The following GRID2 variants were observed in gnomAD, a reference collection of about 807,000 sequenced individuals.
The protein encoded by GRID2 is glutamate ionotropic receptor delta type subunit 2.
Under a neutral mutation model 114.8 loss-of-function variants are expected in GRID2, and 33 were observed. That is an observed-to-expected ratio of 0.29 (90% confidence interval 0.22 to 0.38). GRID2 has a LOEUF of 0.38. Among genes scored for constraint, GRID2 ranks in the 10% least tolerant of loss-of-function variants. The probability of loss-of-function intolerance (pLI) is 1.00; values close to 1 mark genes in which losing one functional copy is unlikely to be tolerated. For synonymous variants in GRID2, 505 were observed against 449.9 expected (o/e 1.12, Z -1.55); for missense variants, 1,184 against 1,257.7 (o/e 0.94, Z 0.89).
chr4:93,069,516 T>C (rs1281052608), intron 2 of GRID2, among the ~76,000 whole-genome samples: 1 of 151,848 alleles, frequency 6.6e-6, no homozygotes, highest in Admixed American at 6.6e-5. Flanking sequence ...ACCCCCAACA[T>C]AGAAACAGTA....
chr4:93,040,093 C>T (rs556062419), intron 2 of GRID2, among the ~76,000 whole-genome samples: 16 of 152,046 alleles, frequency 1.1e-4, no homozygotes, highest in Admixed American at 9.2e-4. Flanking sequence ...GTTCATTGGA[C>T]TGATTTATGT....
intron 3 of GRID2, among the ~76,000 whole-genome samples, chr4:93,091,255 C>T (rs13149430): frequency 0.41 from 62,638 of 151,862 alleles, 13,356 homozygotes; most frequent in Admixed American, 0.58. Context: ...AGAATAGTGG[C>T]AGAGAAGGTA....
At chr4:92,819,812 A>G (rs561054683) in intron 2 of GRID2, among the ~76,000 whole-genome samples, 1 of 152,138 alleles carries the variant, frequency 6.6e-6, no homozygotes, top group Non-Finnish European at 1.5e-5. Context: ...AATCTTTGGT[A>G]TTAAGCAGTT....
chr4:92,407,422 A>G (rs1731083139), intron 1 of GRID2, among the ~76,000 whole-genome samples: 2 of 152,094 alleles, frequency 1.3e-5, no homozygotes, highest in Admixed American at 6.6e-5. Context: ...TGATAGAATG[A>G]ATTATTTTTC....
intron 2 of GRID2, among the ~76,000 whole-genome samples, chr4:92,761,504 C>T (rs1469329365): frequency 1.3e-5 from 2 of 152,136 alleles, no homozygotes; most frequent in African/African-American, 2.4e-5. Flanking sequence ...AGCCCATGGC[C>T]TCATGGGTTA....
chr4:92,983,154 C>T (rs1338630191), intron 2 of GRID2, among the ~76,000 whole-genome samples: 3 of 151,916 alleles, frequency 2.0e-5, no homozygotes, highest in Non-Finnish European at 4.4e-5. Context: ...TGATTTGGCA[C>T]ACAAAATACA....
chr4:93,514,246 T>C (rs1035216294), intron 12 of GRID2, among the ~76,000 whole-genome samples: 6 of 152,076 alleles, frequency 3.9e-5, no homozygotes, highest in Non-Finnish European at 5.9e-5. Context: ...GAAACTCAAA[T>C]GGAGGGAAAT....
chr4:92,484,817 A>C (rs1051670154), intron 1 of GRID2, among the ~76,000 whole-genome samples: 1 of 152,008 alleles, frequency 6.6e-6, no homozygotes, highest in Non-Finnish European at 1.5e-5. Flanking sequence ...TCTAAATCTC[A>C]TATCTACCAC....
intron 8 of GRID2, among the ~76,000 whole-genome samples, chr4:93,264,291 G>T (rs1750562378): frequency 6.6e-6 from 1 of 152,144 alleles, no homozygotes; most frequent in Non-Finnish European, 1.5e-5. Context: ...TATAAGCAAA[G>T]GAATGGTTTT....
intron 1 of GRID2, among the ~76,000 whole-genome samples, chr4:92,415,744 A>ATG (rs1560616359): frequency 1.9e-5 from 1 of 53,602 alleles, no homozygotes; most frequent in Non-Finnish European, 3.3e-5. Context: ...ATGTGTGTAT[A>ATG]TATATATATA....
At chr4:92,314,932 A>G (rs1725890566) in intron 1 of GRID2, among the ~76,000 whole-genome samples, 1 of 152,170 alleles carries the variant, frequency 6.6e-6, no homozygotes, top group African/African-American at 2.4e-5. Context: ...TCATATTCAT[A>G]TGATTTCTGT....
chr4:92,307,331 C>T (rs1378575464), intron 1 of GRID2, among the ~76,000 whole-genome samples: 1 of 151,882 alleles, frequency 6.6e-6, no homozygotes, highest in Admixed American at 6.6e-5. Flanking sequence ...TCACCTCTAG[C>T]GATGGAAGGA....
intron 2 of GRID2, among the ~76,000 whole-genome samples, chr4:92,850,914 T>C (rs1743733880): frequency 6.6e-6 from 1 of 151,964 alleles, no homozygotes; most frequent in Non-Finnish European, 1.5e-5. Flanking sequence ...ATAATGGCTT[T>C]ATTTTAGGCA....
At chr4:93,724,017 A>G (rs1560944979) in intron 14 of GRID2, among the ~76,000 whole-genome samples, 1 of 152,220 alleles carries the variant, frequency 6.6e-6, no homozygotes, top group Non-Finnish European at 1.5e-5. Flanking sequence ...CATTAGAATG[A>G]TCCTCCTTGA....
intron 5 of GRID2, among the ~76,000 whole-genome samples, chr4:93,212,261 A>G (rs994003790): frequency 5.3e-5 from 8 of 152,186 alleles, no homozygotes; most frequent in African/African-American, 1.9e-4. Context: ...TATTGCATCA[A>G]TAGTTTTTAA....
chr4:92,384,563 A>AGAC (rs1363858164), intron 1 of GRID2, among the ~76,000 whole-genome samples: 13 of 75,864 alleles, frequency 1.7e-4, no homozygotes, highest in Non-Finnish European at 2.4e-4. Flanking sequence ...TATTATATAT[A>AGAC]ATATAATATA....
At chr4:92,603,072 C>T (rs911821611) in intron 2 of GRID2, among the ~76,000 whole-genome samples, 5 of 152,104 alleles carry the variant, frequency 3.3e-5, no homozygotes, top group African/African-American at 1.2e-4. Flanking sequence ...AATGGAAAAA[C>T]ATTCCATGCT....
intron 2 of GRID2, among the ~76,000 whole-genome samples, chr4:92,590,989 C>T (rs1349645861): frequency 6.6e-6 from 1 of 152,054 alleles, no homozygotes; most frequent in Non-Finnish European, 1.5e-5. Flanking sequence ...AACATTTAGC[C>T]TTGATCCAGA....
intron 1 of GRID2, among the ~76,000 whole-genome samples, chr4:92,444,139 G>T (rs2149071147): frequency 6.6e-6 from 1 of 152,314 alleles, no homozygotes; most frequent in East Asian, 1.9e-4. Flanking sequence ...ACGGAGCAAA[G>T]AACAGGAGGA....
Sources: gnomAD v4.1 joint callset for allele counts (sites outside exome capture counted in the v4.1 genomes callset) on GRCh38, gnomAD v4.1.1 for gene constraint, MANE v1.5 for transcripts, NCBI Gene and HGNC (gene_info 2026-07-23, HGNC 2026-07-21) for gene names.